The following CLIP1 variants were observed in gnomAD, a reference collection of about 807,000 sequenced individuals.
CLIP1 encodes the protein CAP-Gly domain-containing linker protein 1.
Under a neutral mutation model 161.6 loss-of-function variants are expected in CLIP1, and 66 were observed. That is an observed-to-expected ratio of 0.41 (90% CI 0.33 to 0.50). CLIP1 has a LOEUF of 0.50. CLIP1 is among the 20% of genes least tolerant of loss of function. The pLI is 0.27. For missense variants in CLIP1, 1,376 were observed against 1,702.0 expected (o/e 0.81, Z 3.37); for synonymous variants, 598 against 626.2 (o/e 0.96, Z 0.67).
intron 3 of CLIP1, among the ~76,000 whole-genome samples, chr12:122,371,797 G>A (rs1192551908): frequency 6.6e-6 from 1 of 152,202 alleles, no homozygotes; most frequent in Admixed American, 6.5e-5. Context: ...AAAACTGAAA[G>A]CAAGGAGCAG....
intron 17 of CLIP1, among the ~76,000 whole-genome samples, chr12:122,321,172 A>G (rs1276758425): frequency 6.6e-6 from 1 of 152,012 alleles, no homozygotes; most frequent in Non-Finnish European, 1.5e-5. Context: ...TCCAACTCCA[A>G]ATGGACAGAC....
At chr12:122,392,687 G>A (rs1037082895) in intron 1 of CLIP1, among the ~76,000 whole-genome samples, 5 of 152,100 alleles carry the variant, frequency 3.3e-5, no homozygotes, top group South Asian at 2.1e-4. Flanking sequence ...CTACCCTTCC[G>A]TGAAAGAGAT....
chr12:122,358,129 G>T (rs548583106), intron 5 of CLIP1, among the ~76,000 whole-genome samples: 1 of 152,184 alleles, frequency 6.6e-6, no homozygotes, highest in African/African-American at 2.4e-5. Flanking sequence ...CTGTTGATCT[G>T]TGACCTTACC....
At chr12:122,391,549 G>A (rs915655950) in intron 1 of CLIP1, among the ~76,000 whole-genome samples, 16 of 152,214 alleles carry the variant, frequency 1.1e-4, no homozygotes, top group East Asian at 1.9e-4. Flanking sequence ...TCGCGCCATC[G>A]TACTCCAGCC....
At position 122,332,033 on chromosome 12, in the gene CLIP1, C is replaced by T. The variant is rs375641434; in HGVS notation, c.2867+954G>A. 7.0e-4 allele frequency among the ~76,000 whole-genome samples: 107 copies of T among 151,908 alleles called. 1 individual carries two copies. In the South Asian group the frequency reaches 0.012, roughly 17 times the overall value. On this transcript the variant is annotated intron_variant, in intron 15 of 25. Coordinates refer to ENST00000620786, the MANE Select transcript of CLIP1 (RefSeq NM_001247997.2). ...TAAAAATATTTTTAAAGGTTGGGCACGGTGGCTCATGCCTGTAATCCCAGC... is the reference window on the plus strand; with the variant it reads ...TAAAAATATTTTTAAAGGTTGGGCATGGTGGCTCATGCCTGTAATCCCAGC...
rs71082981 is a variant in CLIP1, at chr12:122,393,912, C to CAAAAAAAAAAAAAAAAAAAAAAA, written c.-106-13355_-106-13354insTTTTTTTTTTTTTTTTTTTTTTT. Among the ~76,000 whole-genome samples, 48 of 63,192 alleles carry CAAAAAAAAAAAAAAAAAAAAAAA rather than the reference C, an allele frequency of 7.6e-4. 1 individual carries two copies. Among genetic ancestry groups the CAAAAAAAAAAAAAAAAAAAAAAA allele is most frequent in the African/African-American group, 2.0e-3 (43 of 21,660 alleles). 41.5% of individuals were successfully genotyped at this position (63,192 alleles called of 152,430 possible). On this transcript the variant is annotated intron_variant, in intron 1 of 25. Coordinates refer to ENST00000620786, the MANE Select transcript of CLIP1 (RefSeq NM_001247997.2). ...GGGTGACAGAGTGAGATTCTGTCTC[C>CAAAAAAAAAAAAAAAAAAAAAAA]AAAAAAAAAAAAAAAAAAGATTCTA...
intron 1 of CLIP1, among the ~76,000 whole-genome samples, chr12:122,402,658 C>T (rs1049996156): frequency 1.3e-5 from 2 of 152,064 alleles, no homozygotes; most frequent in Non-Finnish European, 2.9e-5. Context: ...CACCTATAAT[C>T]CCACCTACTC....
Position 122,272,875 on chromosome 12 carries a change from T to C in CLIP1, c.4317A>G (p.Ter1439TrpextTer1), listed in dbSNP as rs1955229362. ...GCCCAGTTCTCCACTGGAGGCTTCA[T>C]CAGAAGGTTTCGTCGTCATTGCAGT... ...ATNCNDDETF[*>W] Residue 1439 changes from the stop codon to tryptophan, a stop_lost, in exon 26 of 26, where the codon TGA (stop) becomes TGG (tryptophan). Coordinates refer to ENST00000620786, the MANE Select transcript of CLIP1 (RefSeq NM_001247997.2). 5 of 1,614,110 alleles carry C rather than the reference T, an allele frequency of 3.1e-6. No homozygotes were observed. The East Asian group carries it at 1.1e-4, about 36-fold the overall frequency.
In CLIP1 at chr12:122,393,876, C is replaced by T. The variant is rs1354806992; in HGVS notation, c.-106-13318G>A. Reference sequence around the variant, plus strand: ...GTGGTTAGCTGAGATCAGACCACTGCACTCCAGCCTGGGTGACAGAGTGAG... The same window carrying T: ...GTGGTTAGCTGAGATCAGACCACTGTACTCCAGCCTGGGTGACAGAGTGAG... On this transcript the variant is annotated intron_variant, in intron 1 of 25. Coordinates refer to ENST00000620786, the MANE Select transcript of CLIP1 (RefSeq NM_001247997.2). Among the ~76,000 whole-genome samples, 3 of 119,538 alleles carry T rather than the reference C, an allele frequency of 2.5e-5. 1 individual carries two copies. The Admixed American group carries it at 3.8e-4, about 15-fold the overall frequency. 78.4% of individuals were successfully genotyped at this position (119,538 alleles called of 152,430 possible). A position where few individuals can be genotyped will look rare whatever the true frequency, so the allele number is the denominator to read the frequency against.
rs1173832332 is a variant in CLIP1 at position 122,311,428 on chromosome 12, TA to T, written c.3474-1547del. On this transcript the variant is annotated intron_variant, in intron 19 of 25. Coordinates refer to ENST00000620786, the MANE Select transcript of CLIP1 (RefSeq NM_001247997.2). The surrounding 1 kb of genome is among the most constrained non-coding windows in gnomAD (Gnocchi z 4.3). ...ATAAAAACAAAATTATTATTATTAT[TA>T]TTTTTTTTTTTTTGAGACAGAGTCT... 5.3e-5 allele frequency among the ~76,000 whole-genome samples: 8 copies of T among 151,360 alleles called. No homozygotes were observed. The highest frequency in any genetic ancestry group is 1.9e-4 in the African/African-American group (8 of 41,088).
chr12:122,371,824 G>A (rs746363132), intron 3 of CLIP1, among the ~76,000 whole-genome samples: 3 of 152,204 alleles, frequency 2.0e-5, no homozygotes, highest in Admixed American at 6.5e-5. Context: ...CACTGACAAC[G>A]ATGACCTGCT....
chr12:122,388,720 G>A (rs144451389), intron 1 of CLIP1, among the ~76,000 whole-genome samples: 19 of 152,144 alleles, frequency 1.2e-4, no homozygotes, highest in African/African-American at 3.9e-4. Context: ...AGGCGTGTGC[G>A]ACCAAGTCCA....
At chr12:122,338,228 C>T (rs1952334952) in intron 11 of CLIP1, among the ~76,000 whole-genome samples, 1 of 152,062 alleles carries the variant, frequency 6.6e-6, no homozygotes, top group African/African-American at 2.4e-5. Context: ...ATCCCAGCTA[C>T]TGGGGAAGCT....
chr12:122,338,482 C>T (rs934156967), intron 11 of CLIP1, among the ~76,000 whole-genome samples: 7 of 151,662 alleles, frequency 4.6e-5, no homozygotes, highest in South Asian at 2.1e-4. Context: ...TTTGGGAGGC[C>T]GAGGTCAGTG....
Position 122,341,170 on chromosome 12 carries a change from C to T in CLIP1, c.2034G>A (p.Gln678=). 2 of 1,614,170 alleles carry T rather than the reference C, an allele frequency of 1.2e-6. No individual in the cohort carries two copies. The highest frequency in any genetic ancestry group is 1.7e-6 in the Non-Finnish European group (2 of 1,180,020). The part of the protein sequence containing the change: ...LDYQHEIENL[Q]NQQDSERAAH... ...CAGCCCGTTCAGAGTCTTGTTGATT[C>T]TGCAAATTTTCTATTTCGTGTTGGT... Residue 678 remains glutamine, a synonymous_variant, in exon 11 of 26, where the codon CAG becomes CAA. Coordinates refer to ENST00000620786, the MANE Select transcript of CLIP1 (RefSeq NM_001247997.2).
At chr12:122,299,159 T>A (rs563953635) in intron 20 of CLIP1, among the ~76,000 whole-genome samples, 1 of 152,284 alleles carries the variant, frequency 6.6e-6, no homozygotes, top group East Asian at 1.9e-4. Context: ...GTGCATCTTC[T>A]GTTCAGATGT....
intron 20 of CLIP1, among the ~76,000 whole-genome samples, chr12:122,307,863 C>T (rs899564562): frequency 6.6e-6 from 1 of 152,256 alleles, no homozygotes; most frequent in East Asian, 1.9e-4. Context: ...TCATGAAAGC[C>T]TATCACATTT....
chr12:122,306,505 T>C (rs1190598288), intron 20 of CLIP1, among the ~76,000 whole-genome samples: 1 of 152,184 alleles, frequency 6.6e-6, no homozygotes, highest in African/African-American at 2.4e-5. Flanking sequence ...ACTTTCTCAC[T>C]GTCTGTGGGA....
intron 3 of CLIP1, among the ~76,000 whole-genome samples, chr12:122,369,000 G>A (rs1954301242): frequency 1.3e-5 from 2 of 151,178 alleles, no homozygotes; most frequent in East Asian, 3.9e-4. Context: ...ACATGAAAGA[G>A]CCAAAGCACG....
Sources: gnomAD v4.1 joint callset for allele counts (sites outside exome capture counted in the v4.1 genomes callset) on GRCh38, gnomAD v4.1.1 for gene constraint, Gnocchi (gnomAD v3.1) non-coding constraint, MANE v1.5 for transcripts, NCBI Gene and HGNC (gene_info 2026-07-23, HGNC 2026-07-21) for gene names.